The following DKK2 variants were observed in gnomAD, a reference collection of about 807,000 sequenced individuals.
DKK2 encodes dickkopf-related protein 2.
A neutral mutation model predicts 28.1 loss-of-function variants in DKK2; 11 were observed. That is an observed-to-expected ratio of 0.39 (90% CI 0.25 to 0.65). DKK2 has a LOEUF of 0.65. Among genes scored for constraint, DKK2 ranks in the 30% least tolerant of loss-of-function variants. The pLI, the probability that DKK2 is intolerant of heterozygous loss-of-function variation, is 0.47. For synonymous variants in DKK2, 135 were observed against 126.5 expected (o/e 1.07, Z -0.45); for missense variants, 326 against 335.5 (o/e 0.97, Z 0.22).
chr4:107,024,867 C>A (rs1286339388), intron 1 of DKK2, among the ~76,000 whole-genome samples: 1 of 152,092 alleles, frequency 6.6e-6, no homozygotes, highest in Non-Finnish European at 1.5e-5. Flanking sequence ...ACCCGCTGTC[C>A]CATGCAGAAA....
At chr4:107,001,833 C>T (rs1462284634) in intron 1 of DKK2, among the ~76,000 whole-genome samples, 1 of 152,138 alleles carries the variant, frequency 6.6e-6, no homozygotes, top group East Asian at 1.9e-4. Context: ...TGCATCTATG[C>T]ATTAAAGATG....
intron 1 of DKK2, among the ~76,000 whole-genome samples, chr4:106,948,020 G>A (rs2110345936): frequency 6.6e-6 from 1 of 152,236 alleles, no homozygotes; most frequent in East Asian, 1.9e-4. Context: ...ACCACTAGCT[G>A]TAGTTCCAAA....
chr4:106,951,353 A>G (rs1724856324), intron 1 of DKK2, among the ~76,000 whole-genome samples: 1 of 152,172 alleles, frequency 6.6e-6, no homozygotes, highest in Non-Finnish European at 1.5e-5. Context: ...AAAGGAAAAG[A>G]AATCGATATA....
intron 1 of DKK2, among the ~76,000 whole-genome samples, chr4:106,972,658 A>G (rs565049095): frequency 2.0e-5 from 3 of 152,204 alleles, no homozygotes; most frequent in African/African-American, 7.2e-5. Flanking sequence ...AACTTATATA[A>G]AGTTCTTAGA....
chr4:106,923,967 C>T lies in DKK2; in HGVS notation c.767G>A (p.Cys256Tyr). The T allele has an allele frequency of 3.7e-6, 6 of 1,613,466 alleles. No individual in the cohort carries two copies. Among genetic ancestry groups the T allele is most frequent in the Non-Finnish European group, 5.1e-6 (6 of 1,179,426 alleles). ...CCTCAATGGTGATCAAATTTTCTGACACACATGGAGTCTGGCTTTGGAGGA... is the reference window on the plus strand; with the variant it reads ...CCTCAATGGTGATCAAATTTTCTGATACACATGGAGTCTGGCTTTGGAGGA... ...TYSSKARLHV[C>Y]QKI The change falls in exon 4 of 4, where the codon TGT (cysteine) becomes TAT (tyrosine). Residue 256 changes from cysteine (C) to tyrosine (Y), a missense_variant. Physicochemically the swap from Cys to Tyr is radical, Grantham distance 194. Coordinates refer to ENST00000285311, the MANE Select transcript of DKK2 (RefSeq NM_014421.3).
intron 1 of DKK2, among the ~76,000 whole-genome samples, chr4:107,007,463 A>G (rs1288196521): frequency 1.3e-5 from 2 of 152,214 alleles, no homozygotes; most frequent in African/African-American, 2.4e-5. Flanking sequence ...TTGAAATGTC[A>G]TGCATATTTT....
chr4:106,933,429 G>A (rs1028084783), intron 1 of DKK2, among the ~76,000 whole-genome samples: 1 of 152,092 alleles, frequency 6.6e-6, no homozygotes, highest in Non-Finnish European at 1.5e-5. Context: ...GGTGGTGGTG[G>A]TGTTGAGAAT....
intron 1 of DKK2, among the ~76,000 whole-genome samples, chr4:106,964,384 A>T (rs192279699): frequency 6.6e-6 from 1 of 152,292 alleles, no homozygotes; most frequent in East Asian, 1.9e-4. Flanking sequence ...GATAAAGAAG[A>T]CATGGTTAAT....
rs754777132 is a variant in DKK2 at position 106,924,097 on chromosome 4, C to A, written c.637G>T (p.Val213Phe). 6.2e-7 allele frequency: 1 copy of A among 1,614,026 alleles called. No homozygotes were observed. Among genetic ancestry groups the A allele is most frequent in the African/African-American group, 1.3e-5 (1 of 75,018 alleles). ...CCCTTCTTGCGTTGTTTGGTACAGA[C>A]TTCCCCCTGATGGAGCACTGGTTTG... ...ICKPVLHQGE[V>F]CTKQRKKGSH... Residue 213 changes from valine (V) to phenylalanine (F), a missense_variant, in exon 4 of 4, where the codon GTC (valine) becomes TTC (phenylalanine). Transcript: ENST00000285311.
intron 1 of DKK2, among the ~76,000 whole-genome samples, chr4:106,996,387 T>C (rs958808390): frequency 7.9e-5 from 12 of 152,170 alleles, no homozygotes; most frequent in Non-Finnish European, 1.0e-4. Context: ...TGAACACCTT[T>C]CCTAGACAGC....
chr4:107,013,386 T>C (rs549816206), intron 1 of DKK2, among the ~76,000 whole-genome samples: 8 of 151,418 alleles, frequency 5.3e-5, no homozygotes, highest in Non-Finnish European at 1.2e-4. Flanking sequence ...GAAATAAATC[T>C]ACACATTTAC....
chr4:106,937,737 T>C (rs533078971), intron 1 of DKK2, among the ~76,000 whole-genome samples: 2 of 141,680 alleles, frequency 1.4e-5, no homozygotes, highest in African/African-American at 5.2e-5. Flanking sequence ...CCTCAGCAAA[T>C]GTAAAAGAAC....
chr4:107,003,291 C>G (rs1380366235), intron 1 of DKK2, among the ~76,000 whole-genome samples: 3 of 152,212 alleles, frequency 2.0e-5, no homozygotes, highest in East Asian at 1.9e-4. Context: ...CACTCTTTTA[C>G]CCAGGTCAGA....
intron 1 of DKK2, among the ~76,000 whole-genome samples, chr4:106,992,784 A>G (rs1723222806): frequency 6.6e-6 from 1 of 152,214 alleles, no homozygotes; most frequent in South Asian, 2.1e-4. Flanking sequence ...CTATTTAAAT[A>G]TGTGCTCGAA....
intron 1 of DKK2, 36 bp downstream of exon 1, chr4:107,035,334 C>T (rs776842950): frequency 1.2e-6 from 2 of 1,609,768 alleles, no homozygotes; most frequent in East Asian, 2.2e-5. Flanking sequence ...GCCCCTGCCT[C>T]TTCTGTCTGA....
At chr4:106,984,943 C>A (rs1005036205) in intron 1 of DKK2, among the ~76,000 whole-genome samples, 1 of 152,174 alleles carries the variant, frequency 6.6e-6, no homozygotes, top group Non-Finnish European at 1.5e-5. Context: ...GGCACGGTGG[C>A]TCACGCCTGT....
At chr4:106,990,358 A>C (rs561953457) in intron 1 of DKK2, among the ~76,000 whole-genome samples, 14 of 152,298 alleles carry the variant, frequency 9.2e-5, no homozygotes, top group African/African-American at 3.4e-4. Flanking sequence ...GGGAAGCTTT[A>C]AGCTTGAAAG....
At chr4:106,998,241 G>T (rs1459385319) in intron 1 of DKK2, among the ~76,000 whole-genome samples, 1 of 152,010 alleles carries the variant, frequency 6.6e-6, no homozygotes, top group Non-Finnish European at 1.5e-5. Context: ...GAATGTGTTG[G>T]GTTTTTCTAG....
At chr4:106,970,589 C>A (rs1310471926) in intron 1 of DKK2, among the ~76,000 whole-genome samples, 1 of 152,054 alleles carries the variant, frequency 6.6e-6, no homozygotes, top group Non-Finnish European at 1.5e-5. Context: ...ATTACAGAAC[C>A]TCTCAAATGA....
Sources: allele counts gnomAD v4.1 joint callset (sites outside exome capture counted in the v4.1 genomes callset), GRCh38; gene constraint gnomAD v4.1.1; transcripts MANE v1.5; gene names NCBI Gene and HGNC (gene_info 2026-07-23, HGNC 2026-07-21).